The following ITGA2 variants were observed in gnomAD, a reference collection of about 807,000 sequenced individuals.
ITGA2 encodes the protein integrin alpha-2.
ITGA2 carries 101 observed loss-of-function variants against 146.3 expected under a neutral mutation model. That is an observed-to-expected ratio of 0.69 (90% confidence interval 0.59 to 0.81). The LOEUF is 0.81. Among genes scored for constraint, ITGA2 ranks in the 40% least tolerant of loss-of-function variants. ITGA2 has a pLI of 0.00. For missense variants in ITGA2, 1,281 were observed against 1,402.7 expected, an observed-to-expected ratio of 0.91 and a Z score of 1.39; for synonymous variants, 477 against 487.1, an observed-to-expected ratio of 0.98 and a Z score of 0.27.
chr5:53,070,728 G>A (rs1745354224), intron 17 of ITGA2, among the ~76,000 whole-genome samples: 1 of 151,850 alleles, frequency 6.6e-6, no homozygotes, highest in African/African-American at 2.4e-5. Context: ...ATCGTATGCT[G>A]TAATTACTGT....
At position 53,093,124 on chromosome 5, in the gene ITGA2, AAGTT is replaced by A. The variant is rs886060680; in HGVS notation, c.*2529_*2532del. 1.3e-5 allele frequency: 2 copies of A among 152,158 alleles called. No individual in the cohort carries two copies. The highest frequency in any genetic ancestry group is 4.8e-5 in the African/African-American group (2 of 41,440). 9.4% of individuals were successfully genotyped at this position (152,158 alleles called of 1,614,324 possible). A position where few individuals can be genotyped will look rare whatever the true frequency, so the allele number is the denominator to read the frequency against. ...TGTCTCAAACAAACAAACAAAAAAA[AAGTT>A]AGTACTGTATATGTAAATACTAGCT... On this transcript the variant is annotated 3_prime_UTR_variant, in exon 30 of 30. Transcript: ENST00000296585.
Position 53,041,110 on chromosome 5 carries a change from C to A in ITGA2, c.186-1002C>A, listed in dbSNP as rs539060257. 2.1e-5 allele frequency among the ~76,000 whole-genome samples: 3 copies of A among 139,678 alleles called. No individual in the cohort carries two copies. In the East Asian group the frequency reaches 6.1e-4, roughly 29 times the overall value. 91.6% of individuals were successfully genotyped at this position (139,678 alleles called of 152,430 possible). A position where few individuals can be genotyped will look rare whatever the true frequency, so the allele number is the denominator to read the frequency against. Reference sequence around the variant, plus strand: ...TAGTTTCTTTGATATTTTAACCCTTCCCAATACTGACATGAAAAAAAATGG... The same window carrying A: ...TAGTTTCTTTGATATTTTAACCCTTACCAATACTGACATGAAAAAAAATGG... On this transcript the variant is annotated intron_variant, in intron 2 of 29. Transcript: ENST00000296585.
chr5:53,017,168 A>G (rs1742432797), intron 1 of ITGA2, among the ~76,000 whole-genome samples: 1 of 152,198 alleles, frequency 6.6e-6, no homozygotes, highest in Non-Finnish European at 1.5e-5. Context: ...TTCTGGCTTT[A>G]TGAGTTGTCA....
intron 2 of ITGA2, among the ~76,000 whole-genome samples, chr5:53,038,484 C>T (rs1561111444): frequency 6.6e-6 from 1 of 152,152 alleles, no homozygotes; most frequent in African/African-American, 2.4e-5. Context: ...GACAGCTGTG[C>T]TTCGTGTCCA....
chr5:53,065,019 T>C lies in ITGA2; in HGVS notation c.1710T>C (p.Asn570=). 1 of 1,612,932 alleles carries C rather than the reference T, an allele frequency of 6.2e-7. No individual in the cohort carries two copies. The highest frequency in any genetic ancestry group is 1.7e-5 in the Admixed American group (1 of 59,858). The change falls in exon 14 of 30, where the codon AAT becomes AAC. Residue 570 remains asparagine (N), a synonymous_variant. Coordinates refer to ENST00000296585, the MANE Select transcript of ITGA2 (RefSeq NM_002203.4). ...ALSDINMDGF[N]DVIVGSPLEN... Reference sequence around the variant, plus strand: ...CAGACATCAACATGGATGGCTTTAATGATGTGATTGTTGGTTCACCACTAG... The same window carrying C: ...CAGACATCAACATGGATGGCTTTAACGATGTGATTGTTGGTTCACCACTAG...
chr5:53,082,494 T>C (rs753790611), intron 26 of ITGA2, among the ~76,000 whole-genome samples: 7 of 152,202 alleles, frequency 4.6e-5, no homozygotes, highest in Non-Finnish European at 8.8e-5. Flanking sequence ...CATAGGCCAA[T>C]GTGTCATAGA....
Position 53,081,641 on chromosome 5 carries a change from A to G in ITGA2, c.3089A>G (p.Gln1030Arg). Residue 1030 changes from glutamine (Q) to arginine (R), a missense_variant, in exon 26 of 30, where the codon CAA (glutamine) becomes CGA (arginine). Gln to Arg is a conservative substitution (Grantham distance 43, BLOSUM62 1). Coordinates refer to ENST00000296585, the MANE Select transcript of ITGA2 (RefSeq NM_002203.4). ...NADINPLKIG[Q>R]TSSSVSFKSE... Reference sequence around the variant, plus strand: ...GATATCAATCCACTGAAAATAGGACAAACATCTTCTTCTGTATCTTTCAAA... The same window carrying G: ...GATATCAATCCACTGAAAATAGGACGAACATCTTCTTCTGTATCTTTCAAA... The G allele has an allele frequency of 6.2e-7, 1 of 1,613,372 alleles. No homozygotes were observed. Among genetic ancestry groups the G allele is most frequent in the South Asian group, 1.1e-5 (1 of 91,040 alleles).
intron 7 of ITGA2, 85 bp downstream of exon 7, chr5:53,051,644 C>A: frequency 7.3e-7 from 1 of 1,376,306 alleles, no homozygotes; most frequent in Non-Finnish European, 1.0e-6. Context: ...AAGGAAAAGA[C>A]AAAGAAAAAT....
In ITGA2 at chr5:53,026,905, T is replaced by C. The variant is rs372997040; in HGVS notation, c.185+37T>C. 2.3e-5 allele frequency: 36 copies of C among 1,574,002 alleles called. No homozygotes were observed. The East Asian group carries it at 3.6e-4, about 16-fold the overall frequency. On this transcript the variant is annotated intron_variant, in intron 2 of 29. Coordinates refer to ENST00000296585, the MANE Select transcript of ITGA2 (RefSeq NM_002203.4). ...CTCTTCTTTATGATTTCAGTAAAAA[T>C]ACAAAATAAATTTCATATTTGACTT... is the stretch of plus-strand genomic sequence containing the variant.
intron 9 of ITGA2, among the ~76,000 whole-genome samples, chr5:53,057,037 A>G (rs1250896323): frequency 6.6e-6 from 1 of 151,946 alleles, no homozygotes; most frequent in African/African-American, 2.4e-5. Flanking sequence ...TTGCTTCTTC[A>G]GTATCCCATG....
At chr5:52,994,329 C>T (rs1219607807) in intron 1 of ITGA2, among the ~76,000 whole-genome samples, 1 of 152,166 alleles carries the variant, frequency 6.6e-6, no homozygotes, top group African/African-American at 2.4e-5. Context: ...TGTCATCTTC[C>T]TTTCTAGCAG....
intron 4 of ITGA2, among the ~76,000 whole-genome samples, chr5:53,047,265 G>A (rs889246601): frequency 6.6e-6 from 1 of 152,106 alleles, no homozygotes; most frequent in Non-Finnish European, 1.5e-5. Flanking sequence ...GTTAAATTCT[G>A]TAGGCATTTT....
chr5:53,047,380 A>G (rs1744142914), intron 4 of ITGA2, among the ~76,000 whole-genome samples: 1 of 152,144 alleles, frequency 6.6e-6, no homozygotes, highest in African/African-American at 2.4e-5. Flanking sequence ...TCATGATTTA[A>G]TCAGGAGTTT....
chr5:52,997,249 A>G (rs1741312443), intron 1 of ITGA2, among the ~76,000 whole-genome samples: 2 of 152,180 alleles, frequency 1.3e-5, no homozygotes, highest in South Asian at 2.1e-4. Flanking sequence ...CAAATAGGTA[A>G]CAGAAACTTT....
intron 2 of ITGA2, 65 bp from the exon 3 acceptor site, chr5:53,042,047 A>G: frequency 3.2e-6 from 3 of 946,274 alleles, no homozygotes; most frequent in African/African-American, 3.2e-5. Context: ...ACTGTTTGTG[A>G]TCAGGTTTAT....
chr5:53,005,580 CA>C (rs5867858), intron 1 of ITGA2, among the ~76,000 whole-genome samples: 94,614 of 137,196 alleles, frequency 0.69, 32,540 homozygotes, highest in Admixed American at 0.78. Flanking sequence ...GACTCTGTGT[CA>C]AAAAAAAAAA....
chr5:53,071,467 T>C (rs987932485), intron 17 of ITGA2, among the ~76,000 whole-genome samples: 1 of 151,844 alleles, frequency 6.6e-6, no homozygotes, highest in East Asian at 1.9e-4. Context: ...CATCTCCTCA[T>C]AGTCCAGAGC....
rs772739314 is a variant in ITGA2 at position 53,073,130 on chromosome 5, T to C, written c.2442T>C (p.Phe814=). 3.7e-6 allele frequency: 6 copies of C among 1,612,104 alleles called. No homozygotes were observed. The highest frequency in any genetic ancestry group is 5.1e-6 in the Non-Finnish European group (6 of 1,178,772). ...TTACTTTTAACAGAGAACAACCCTT[T>C]ATTGTCAGCAACCAAAACAAAAGGT... ...RQIPAAQEQP[F]IVSNQNKRLT... The change falls in exon 20 of 30, where the codon TTT becomes TTC. Residue 814 remains phenylalanine, a synonymous_variant. Transcript: ENST00000296585.
At chr5:53,038,902 C>A (rs1381703511) in intron 2 of ITGA2, among the ~76,000 whole-genome samples, 1 of 152,048 alleles carries the variant, frequency 6.6e-6, no homozygotes, top group Admixed American at 6.6e-5. Context: ...ACCAGCCTGG[C>A]CAACATGATG....
Sources: allele counts gnomAD v4.1 joint callset (sites outside exome capture counted in the v4.1 genomes callset), GRCh38; gene constraint gnomAD v4.1.1; transcripts MANE v1.5; gene names NCBI Gene and HGNC (gene_info 2026-07-23, HGNC 2026-07-21).